The following MIPEP variants were observed in gnomAD, a reference collection of about 807,000 sequenced individuals.
MIPEP encodes mitochondrial intermediate peptidase.
A neutral mutation model predicts 90.3 loss-of-function variants in MIPEP; 79 were observed. That is an observed-to-expected ratio of 0.87 (90% confidence interval 0.73 to 1.05). The LOEUF is 1.05. Ranked by LOEUF, MIPEP falls within the 50% of genes least tolerant of loss-of-function variation. The pLI is 0.00. For synonymous variants in MIPEP, 334 were observed against 315.8 expected (o/e 1.06, Z -0.61); for missense variants, 940 against 905.6 (o/e 1.04, Z -0.49).
At chr13:23,801,128 C>A (rs1340578300) in intron 16 of MIPEP, among the ~76,000 whole-genome samples, 1 of 152,172 alleles carries the variant, frequency 6.6e-6, no homozygotes, top group African/African-American at 2.4e-5. Flanking sequence ...GGATTCATTT[C>A]AGAGAAACAA....
chr13:23,825,443 G>A (rs576034955), intron 14 of MIPEP, among the ~76,000 whole-genome samples: 30 of 152,230 alleles, frequency 2.0e-4, no homozygotes, highest in South Asian at 1.9e-3. Context: ...AAACTAAGGC[G>A]AGAAACTAAA....
At chr13:23,828,599 C>T (rs1321815943) in intron 14 of MIPEP, among the ~76,000 whole-genome samples, 1 of 152,108 alleles carries the variant, frequency 6.6e-6, no homozygotes. Context: ...CAGGACGAAG[C>T]CCAACAAAAG....
chr13:23,783,470 C>T (rs1326135125), intron 16 of MIPEP, among the ~76,000 whole-genome samples: 2 of 152,084 alleles, frequency 1.3e-5, no homozygotes, highest in South Asian at 2.1e-4. Flanking sequence ...AAGAGCTATT[C>T]ATGACAAACC....
At chr13:23,832,586 T>C (rs963718308) in intron 14 of MIPEP, among the ~76,000 whole-genome samples, 5 of 152,068 alleles carry the variant, frequency 3.3e-5, no homozygotes, top group African/African-American at 7.2e-5. Flanking sequence ...CTGTGCTAAT[T>C]TGGAGCAACG....
intron 16 of MIPEP, among the ~76,000 whole-genome samples, chr13:23,787,375 A>T (rs1396408117): frequency 1.4e-5 from 2 of 147,584 alleles, no homozygotes; most frequent in Admixed American, 6.9e-5. Context: ...GGGTGGGGGG[A>T]GAGAGAGCAA....
At chr13:23,852,683 A>G (rs1329922519) in intron 10 of MIPEP, among the ~76,000 whole-genome samples, 1 of 152,250 alleles carries the variant, frequency 6.6e-6, no homozygotes, top group Non-Finnish European at 1.5e-5. Context: ...TGATTCATGT[A>G]TTAACTACAC....
intron 14 of MIPEP, among the ~76,000 whole-genome samples, chr13:23,820,439 T>C (rs749977268): frequency 2.4e-4 from 37 of 152,344 alleles, no homozygotes; most frequent in Admixed American, 9.8e-4. Context: ...CTCCACCCCA[T>C]ACATCTTTTA....
At chr13:23,756,302 C>T (rs1952490115) in intron 18 of MIPEP, 2 of 424,508 alleles carry the variant, frequency 4.7e-6, no homozygotes, top group East Asian at 1.0e-4. Flanking sequence ...TTACAGGCGT[C>T]TGCCACCACG....
intron 5 of MIPEP, among the ~76,000 whole-genome samples, chr13:23,873,345 A>C (rs1230992461): frequency 1.3e-5 from 2 of 152,190 alleles, no homozygotes; most frequent in Non-Finnish European, 2.9e-5. Flanking sequence ...GAAAGTAACA[A>C]ATCAATACTT....
chr13:23,839,856 C>T (rs1275921274), intron 11 of MIPEP, 130 bp from the exon 12 acceptor site: 11 of 571,078 alleles, frequency 1.9e-5, no homozygotes, highest in African/African-American at 3.8e-5. Flanking sequence ...CTACACCCCA[C>T]ATTATCTCGA....
chr13:23,837,755 T>A lies in MIPEP; in HGVS notation c.1340A>T (p.Asp447Val). The change falls in exon 13 of 19, where the codon GAT (aspartate) becomes GTT (valine). Residue 447 changes from aspartate to valine, a missense_variant and splice_region_variant. By Grantham distance (152) the Asp-to-Val change is radical. Transcript: ENST00000382172. ...GCCTCCACGGATAGTGAAATGGCAA[T>A]CCTTTAAGAATCAGAAAACATAAAA... ...FFQRADKPHQ[D>V]CHFTIRGGRL... The A allele has an allele frequency of 6.2e-7, 1 of 1,606,532 alleles. No individual in the cohort carries two copies. The highest frequency in any genetic ancestry group is 8.5e-7 in the Non-Finnish European group (1 of 1,173,244).
Position 23,889,206 on chromosome 13 carries a change from T to C in MIPEP, c.115A>G (p.Ser39Gly). Residue 39 changes from serine to glycine, a missense_variant, in exon 1 of 19, where the codon AGC becomes GGC. Transcript: ENST00000382172. ...AAGGCGGCGCCCACGGGAGACCAGC[T>C]GGTGCTGACCCTTCGGGCCCGGATC... Reference protein sequence around the residue: ...AGIRARRVSTSWSPVGAAFNV... With the variant: ...AGIRARRVSTGWSPVGAAFNV... 6.9e-7 allele frequency: 1 copy of C among 1,459,076 alleles called. No individual in the cohort carries two copies. The highest frequency in any genetic ancestry group is 9.0e-7 in the Non-Finnish European group (1 of 1,107,112). The allele number at this position is 1,459,076 out of a possible 1,614,324, so 90.4% of individuals were successfully genotyped here. A position where few individuals can be genotyped will look rare whatever the true frequency, so the allele number is the denominator to read the frequency against.
Position 23,873,142 on chromosome 13 carries a change from G to A in MIPEP, c.603+1704C>T, listed in dbSNP as rs577804520. Among the ~76,000 whole-genome samples the A allele has an allele frequency of 9.2e-5, 14 of 152,312 alleles. No homozygotes were observed. The South Asian group carries it at 2.3e-3, about 25-fold the overall frequency. On this transcript the variant is annotated intron_variant, in intron 5 of 18. Coordinates refer to ENST00000382172, the MANE Select transcript of MIPEP (RefSeq NM_005932.4). ...ACTGATAAAAGCTTCGCAATGTGGC[G>A]TGAGGATGAAGCCTTCATGGGGACT...
chr13:23,817,574 A>G (rs1216399686), intron 14 of MIPEP, among the ~76,000 whole-genome samples: 1 of 152,138 alleles, frequency 6.6e-6, no homozygotes, highest in African/African-American at 2.4e-5. Context: ...AATAACTTTC[A>G]TGAATAATTT....
intron 10 of MIPEP, among the ~76,000 whole-genome samples, chr13:23,850,224 C>T (rs1869740819): frequency 6.6e-6 from 1 of 152,194 alleles, no homozygotes; most frequent in Admixed American, 6.5e-5. Context: ...TTTTTGGCAT[C>T]AGGAATGACT....
intron 2 of MIPEP, among the ~76,000 whole-genome samples, chr13:23,881,996 C>T (rs1394961488): frequency 6.6e-6 from 1 of 151,728 alleles, no homozygotes; most frequent in African/African-American, 2.4e-5. Flanking sequence ...GTTTGTTTCA[C>T]TCCAAAAAAA....
intron 14 of MIPEP, among the ~76,000 whole-genome samples, chr13:23,831,383 C>CGGCGGGGGGGGGGGGG (rs1555237538): frequency 4.9e-5 from 2 of 40,856 alleles, no homozygotes; most frequent in African/African-American, 1.7e-4. Context: ...TTCCCCATGG[C>CGGCGGGGGGGGGGGGG]GGGGGGGGGA....
intron 7 of MIPEP, among the ~76,000 whole-genome samples, chr13:23,866,339 G>T (rs1221905175): frequency 4.6e-5 from 7 of 151,938 alleles, no homozygotes; most frequent in Non-Finnish European, 7.4e-5. Flanking sequence ...AATCCTCAAG[G>T]ACCCAGAGCA....
chr13:23,735,661 T>C (rs148074371), intron 18 of MIPEP, among the ~76,000 whole-genome samples: 96 of 152,336 alleles, frequency 6.3e-4, no homozygotes, highest in African/African-American at 2.2e-3. Context: ...GAGAAAAATA[T>C]ATACACTTGT....
Sources: allele counts gnomAD v4.1 joint callset (sites outside exome capture counted in the v4.1 genomes callset), GRCh38; gene constraint gnomAD v4.1.1; transcripts MANE v1.5; gene names NCBI Gene and HGNC (gene_info 2026-07-23, HGNC 2026-07-21).